LHFPL3: variants seen among roughly 807,000 people sequenced by gnomAD.
LHFPL3 encodes the protein LHFPL tetraspan subfamily member 3 protein.
A neutral mutation model predicts 19.3 loss-of-function variants in LHFPL3; 5 were observed. That is an observed-to-expected ratio of 0.26 (90% confidence interval 0.14 to 0.54). The LOEUF (loss-of-function observed/expected upper bound fraction) is 0.54, where lower values mean the gene tolerates loss of function less well. LHFPL3 is among the 20% of genes least tolerant of loss of function. The pLI, the probability that LHFPL3 is intolerant of heterozygous loss-of-function variation, is 0.94. For missense variants in LHFPL3, 249 were observed against 307.4 expected (o/e 0.81, Z 1.42); for synonymous variants, 133 against 126.2 (o/e 1.05, Z -0.36).
intron 1 of LHFPL3, among the ~76,000 whole-genome samples, chr7:104,580,042 A>G (rs184320460): frequency 1.3e-5 from 2 of 152,354 alleles, no homozygotes; most frequent in East Asian, 1.9e-4. Flanking sequence ...AGAACTTTCA[A>G]TGTTCTACCC....
chr7:104,589,047 T>A (rs1417265612), intron 1 of LHFPL3, among the ~76,000 whole-genome samples: 1 of 152,224 alleles, frequency 6.6e-6, no homozygotes, highest in Admixed American at 6.5e-5. Context: ...TACAATCATG[T>A]CATCTGCAAA....
intron 1 of LHFPL3, chr7:104,669,114 C>G: frequency 6.2e-7 from 1 of 1,612,904 alleles, no homozygotes; most frequent in South Asian, 1.1e-5. Flanking sequence ...AAGATTGCCA[C>G]TCTCCAACTT....
At chr7:104,416,950 C>A (rs1386083968) in intron 1 of LHFPL3, among the ~76,000 whole-genome samples, 1 of 152,164 alleles carries the variant, frequency 6.6e-6, no homozygotes, top group Non-Finnish European at 1.5e-5. Context: ...TCATAAGGAA[C>A]CTGCTCCCAC....
At chr7:104,709,443 C>A (rs1793255038) in intron 1 of LHFPL3, among the ~76,000 whole-genome samples, 1 of 127,192 alleles carries the variant, frequency 7.9e-6, no homozygotes, top group Non-Finnish European at 1.8e-5. Flanking sequence ...TCTTAACGAG[C>A]ATGCTGCCTT....
chr7:104,791,169 G>A (rs1314230840), intron 2 of LHFPL3, among the ~76,000 whole-genome samples: 2 of 152,156 alleles, frequency 1.3e-5, no homozygotes. Context: ...ACCATTGTGT[G>A]TTCTGGACTG....
intron 1 of LHFPL3, among the ~76,000 whole-genome samples, chr7:104,505,990 T>C (rs1458214545): frequency 1.3e-5 from 2 of 151,946 alleles, no homozygotes; most frequent in African/African-American, 4.8e-5. Context: ...ATGAATGTAA[T>C]GAACTCACTG....
intron 1 of LHFPL3, among the ~76,000 whole-genome samples, chr7:104,632,925 A>C (rs765931702): frequency 9.2e-5 from 14 of 152,240 alleles, no homozygotes; most frequent in Non-Finnish European, 1.8e-4. Flanking sequence ...AAAGTGCTAG[A>C]TTACAGGCAT....
At chr7:104,568,453 C>T (rs1238456852) in intron 1 of LHFPL3, among the ~76,000 whole-genome samples, 1 of 152,192 alleles carries the variant, frequency 6.6e-6, no homozygotes, top group Admixed American at 6.5e-5. Flanking sequence ...AATTCTTCCA[C>T]TGAGAAGGCC....
intron 1 of LHFPL3, among the ~76,000 whole-genome samples, chr7:104,477,341 AT>A (rs1793042037): frequency 6.6e-6 from 1 of 152,176 alleles, no homozygotes; most frequent in African/African-American, 2.4e-5. Flanking sequence ...CACTCATTCA[AT>A]AAATATCTAT....
chr7:104,898,992 A>G (rs1363163700), intron 2 of LHFPL3, among the ~76,000 whole-genome samples: 2 of 151,072 alleles, frequency 1.3e-5, no homozygotes, highest in African/African-American at 2.4e-5. Context: ...AGTCCCAGCT[A>G]CTTACGGGGC....
intron 2 of LHFPL3, chr7:104,845,394 C>T (rs566958344): frequency 1.3e-6 from 2 of 1,534,098 alleles, no homozygotes; most frequent in South Asian, 2.4e-5. Flanking sequence ...GATGGAAATG[C>T]TTAAGGCAAA....
intron 1 of LHFPL3, among the ~76,000 whole-genome samples, chr7:104,348,483 A>G (rs1358746488): frequency 2.0e-5 from 3 of 152,264 alleles, no homozygotes; most frequent in African/African-American, 7.2e-5. Context: ...ATAAATATGG[A>G]ATGACACATA....
chr7:104,404,675 G>T (rs865895280), intron 1 of LHFPL3, among the ~76,000 whole-genome samples: 1 of 152,152 alleles, frequency 6.6e-6, no homozygotes. Flanking sequence ...GACTGTATTA[G>T]GAAGGAGCCC....
intron 1 of LHFPL3, among the ~76,000 whole-genome samples, chr7:104,433,925 A>G (rs1482440447): frequency 1.3e-5 from 2 of 152,222 alleles, no homozygotes; most frequent in African/African-American, 2.4e-5. Flanking sequence ...TGTTAAATCA[A>G]TGGATAAAAA....
chr7:104,445,877 C>A (rs554160367), intron 1 of LHFPL3, among the ~76,000 whole-genome samples: 1 of 152,278 alleles, frequency 6.6e-6, no homozygotes, highest in African/African-American at 2.4e-5. Context: ...AGGCTAGAAC[C>A]AAGGCCATTT....
chr7:104,813,540 T>G (rs935433363), intron 2 of LHFPL3, among the ~76,000 whole-genome samples: 2 of 152,126 alleles, frequency 1.3e-5, no homozygotes, highest in Admixed American at 1.3e-4. Flanking sequence ...GGGTTCATGC[T>G]ACTAGCCTGG....
At chr7:104,559,339 A>G (rs912005867) in intron 1 of LHFPL3, among the ~76,000 whole-genome samples, 3 of 149,900 alleles carry the variant, frequency 2.0e-5, no homozygotes, top group African/African-American at 7.4e-5. Context: ...ATTTGTTTGT[A>G]TCCTCTTTTA....
At chr7:104,807,943 T>G (rs1057418906) in intron 2 of LHFPL3, among the ~76,000 whole-genome samples, 14 of 152,228 alleles carry the variant, frequency 9.2e-5, no homozygotes, top group Admixed American at 7.9e-4. Flanking sequence ...CTGGCCCCTT[T>G]GTGCATTCAA....
intron 2 of LHFPL3, among the ~76,000 whole-genome samples, chr7:104,776,162 T>TAGGA (rs1013059741): frequency 6.6e-6 from 1 of 152,196 alleles, no homozygotes; most frequent in Non-Finnish European, 1.5e-5. Context: ...TACAAAGGGC[T>TAGGA]AGGAAGCAAG....
Sources: gnomAD v4.1 joint callset for allele counts (sites outside exome capture counted in the v4.1 genomes callset) on GRCh38, gnomAD v4.1.1 for gene constraint, MANE v1.5 for transcripts, NCBI Gene and HGNC (gene_info 2026-07-23, HGNC 2026-07-21) for gene names.